The following ARHGAP26 variants were observed in gnomAD, a reference collection of about 807,000 sequenced individuals.
ARHGAP26 encodes rho GTPase-activating protein 26.
Under a neutral mutation model 104.8 loss-of-function variants are expected in ARHGAP26, and 38 were observed. The ratio of observed to expected loss-of-function variants is 0.36; its 90% confidence interval spans 0.28 to 0.48. The LOEUF (loss-of-function observed/expected upper bound fraction) is 0.48. Ranked by LOEUF, ARHGAP26 falls within the 20% of genes least tolerant of loss-of-function variation. The pLI, the probability that ARHGAP26 is intolerant of heterozygous loss-of-function variation, is 0.99. For missense variants in ARHGAP26, 704 were observed against 947.9 expected (o/e 0.74, Z 3.38); for synonymous variants, 341 against 340.0 (o/e 1.00, Z -0.03).
At chr5:142,789,244 T>C (rs1354512642) in intron 1 of ARHGAP26, among the ~76,000 whole-genome samples, 3 of 152,230 alleles carry the variant, frequency 2.0e-5, no homozygotes, top group Non-Finnish European at 4.4e-5. Context: ...TATTTTCACC[T>C]TTTGTGAGAT....
At chr5:143,199,176 A>T (rs1199513420) in intron 20 of ARHGAP26, among the ~76,000 whole-genome samples, 1 of 152,256 alleles carries the variant, frequency 6.6e-6, no homozygotes, top group Non-Finnish European at 1.5e-5. Context: ...AGACATCTGC[A>T]CATGAGTAGT....
At chr5:143,113,514 T>C (rs544360654) in intron 17 of ARHGAP26, among the ~76,000 whole-genome samples, 432 of 152,350 alleles carry the variant, frequency 2.8e-3, no homozygotes, top group Non-Finnish European at 4.8e-3. Context: ...TCCCTCCTTT[T>C]TAAAATTTCT....
chr5:142,807,230 A>G (rs777682058), intron 1 of ARHGAP26, among the ~76,000 whole-genome samples: 7 of 152,246 alleles, frequency 4.6e-5, no homozygotes, highest in Non-Finnish European at 1.0e-4. Flanking sequence ...GTTGTGTTAG[A>G]CAGGTATGGT....
intron 11 of ARHGAP26, among the ~76,000 whole-genome samples, chr5:142,988,978 G>C (rs1366837592): frequency 6.6e-6 from 1 of 152,156 alleles, no homozygotes; most frequent in Non-Finnish European, 1.5e-5. Flanking sequence ...TTGATTTGGG[G>C]TGGAGAATTC....
intron 1 of ARHGAP26, among the ~76,000 whole-genome samples, chr5:142,866,436 G>A (rs1754295707): frequency 6.6e-6 from 1 of 152,160 alleles, no homozygotes; most frequent in Non-Finnish European, 1.5e-5. Flanking sequence ...CTACTCAACA[G>A]AATGGTTGTG....
chr5:142,949,184 A>AGAGAGAGAGAGAGAGAGAG (rs1767717359), intron 11 of ARHGAP26, among the ~76,000 whole-genome samples: 11 of 23,430 alleles, frequency 4.7e-4, no homozygotes, highest in Admixed American at 5.8e-4. Flanking sequence ...AGAGAGAGAG[A>AGAGAGAGAGAGAGAGAGAG]GAGAGAGAGA....
chr5:143,020,690 G>A (rs1281346583), intron 12 of ARHGAP26, among the ~76,000 whole-genome samples: 2 of 131,992 alleles, frequency 1.5e-5, no homozygotes, highest in African/African-American at 5.8e-5. Flanking sequence ...CCAGGCTGGA[G>A]TGCAGTGGCA....
At chr5:143,165,533 C>G (rs929346952) in intron 20 of ARHGAP26, 2 of 152,232 alleles carry the variant, frequency 1.3e-5, no homozygotes, top group African/African-American at 4.8e-5. Context: ...CACATCCCAA[C>G]TTTATTAGTT....
At chr5:143,122,322 C>T (rs943866697) in intron 18 of ARHGAP26, among the ~76,000 whole-genome samples, 2 of 152,206 alleles carry the variant, frequency 1.3e-5, no homozygotes, top group African/African-American at 4.8e-5. Context: ...TACTTCAAGG[C>T]CTTCGCAGTT....
intron 20 of ARHGAP26, among the ~76,000 whole-genome samples, chr5:143,191,348 A>G (rs1281222871): frequency 6.6e-6 from 1 of 152,220 alleles, no homozygotes. Context: ...TGAGTGGACA[A>G]ATATGCTTTT....
At chr5:142,931,211 G>A (rs1206973419) in intron 10 of ARHGAP26, among the ~76,000 whole-genome samples, 1 of 152,270 alleles carries the variant, frequency 6.6e-6, no homozygotes, top group East Asian at 1.9e-4. Context: ...AGAGGAGGAG[G>A]TGGTTTGGGG....
intron 11 of ARHGAP26, among the ~76,000 whole-genome samples, chr5:142,987,938 G>C (rs530739507): frequency 2.0e-5 from 3 of 152,310 alleles, no homozygotes; most frequent in African/African-American, 4.8e-5. Flanking sequence ...ATTCATCAGG[G>C]ATATTGGCCT....
At chr5:142,957,224 T>C (rs533708113) in intron 11 of ARHGAP26, among the ~76,000 whole-genome samples, 7 of 152,222 alleles carry the variant, frequency 4.6e-5, no homozygotes, top group Admixed American at 6.5e-5. Flanking sequence ...TGATAATCTT[T>C]TTGATAGTGC....
At chr5:142,864,437 C>T (rs191860852) in intron 1 of ARHGAP26, among the ~76,000 whole-genome samples, 10 of 152,122 alleles carry the variant, frequency 6.6e-5, no homozygotes, top group Non-Finnish European at 1.2e-4. Flanking sequence ...ATGGTCCATC[C>T]GGGTTTTGCC....
rs185459249 is a variant in ARHGAP26, at chr5:142,805,000, A to G, written c.154+34085A>G. Among the ~76,000 whole-genome samples the G allele has an allele frequency of 2.1e-3, 325 of 152,094 alleles. 1 individual carries two copies. The highest frequency in any genetic ancestry group is 7.5e-3 in the African/African-American group (310 of 41,474). On this transcript the variant is annotated intron_variant, in intron 1 of 22. Coordinates refer to ENST00000645722, the MANE Select transcript of ARHGAP26 (RefSeq NM_001135608.3). Reference sequence around the variant, plus strand: ...AGCATAATGTTTTTCGGGTCCATTCATGTTGAAGCATGTGTCACGAGCTTA... The same window carrying G: ...AGCATAATGTTTTTCGGGTCCATTCGTGTTGAAGCATGTGTCACGAGCTTA...
At chr5:142,892,809 T>G (rs1475466204) in intron 5 of ARHGAP26, among the ~76,000 whole-genome samples, 1 of 152,138 alleles carries the variant, frequency 6.6e-6, no homozygotes, top group Non-Finnish European at 1.5e-5. Flanking sequence ...CATTTATCAT[T>G]TCTTTGTGTT....
intron 11 of ARHGAP26, among the ~76,000 whole-genome samples, chr5:142,979,305 A>T (rs936915548): frequency 1.3e-5 from 2 of 152,166 alleles, no homozygotes; most frequent in Non-Finnish European, 1.5e-5. Flanking sequence ...TCTCCTCTCT[A>T]TATCATCCCC....
At chr5:142,792,082 A>C (rs1759964716) in intron 1 of ARHGAP26, among the ~76,000 whole-genome samples, 1 of 152,206 alleles carries the variant, frequency 6.6e-6, no homozygotes, top group Non-Finnish European at 1.5e-5. Context: ...ATTAAAAAGA[A>C]GTTTCTCTTT....
chr5:143,215,325 A>G (rs1562627778), intron 22 of ARHGAP26, among the ~76,000 whole-genome samples: 1 of 152,238 alleles, frequency 6.6e-6, no homozygotes, highest in Non-Finnish European at 1.5e-5. Flanking sequence ...GTTTCTAACA[A>G]CCATTCCCTC....
Sources: allele counts gnomAD v4.1 joint callset (sites outside exome capture counted in the v4.1 genomes callset), GRCh38; gene constraint gnomAD v4.1.1; transcripts MANE v1.5; gene names NCBI Gene and HGNC (gene_info 2026-07-23, HGNC 2026-07-21).